The following ZCCHC4 variants were observed in gnomAD, a reference collection of about 807,000 sequenced individuals.
ZCCHC4 encodes the protein rRNA N(6)-adenosine-methyltransferase ZCCHC4.
A neutral mutation model predicts 67.7 loss-of-function variants in ZCCHC4; 54 were observed. The ratio of observed to expected loss-of-function variants is 0.80; its 90% CI spans 0.64 to 1.00. ZCCHC4 has a LOEUF of 1.00. Among genes scored for constraint, ZCCHC4 ranks in the 50% least tolerant of loss-of-function variants. The pLI is 0.00. For missense variants in ZCCHC4, 609 were observed against 617.0 expected (o/e 0.99, Z 0.14); for synonymous variants, 198 against 213.5 (o/e 0.93, Z 0.63).
intron 3 of ZCCHC4, among the ~76,000 whole-genome samples, chr4:25,329,533 CTTTTTT>C (rs56340221): frequency 7.9e-6 from 1 of 127,120 alleles, no homozygotes; most frequent in Non-Finnish European, 1.6e-5. Flanking sequence ...TTATATTTTC[CTTTTTT>C]TTTTTTTTTG....
chr4:25,315,251 G>C, intron 2 of ZCCHC4, 67 bp from the exon 3 acceptor site: 1 of 1,358,894 alleles, frequency 7.4e-7, no homozygotes, highest in Non-Finnish European at 1.0e-6. Context: ...GTCAGAATGT[G>C]ATGCCAGTTC....
Position 25,361,895 on chromosome 4 carries a change from A to G in ZCCHC4, c.1048A>G (p.Lys350Glu). 6.2e-7 allele frequency: 1 copy of G among 1,613,874 alleles called. No individual in the cohort carries two copies. ...YDNHALYKHG[K>E]TGRKQSPVRI... is the part of the protein sequence containing the mutation. ...TAATCATGCACTTTATAAACACGGAAAGACAGGTCGAAAACAGTCTCCCGT... is the reference window on the plus strand; with the variant it reads ...TAATCATGCACTTTATAAACACGGAGAGACAGGTCGAAAACAGTCTCCCGT... The change falls in exon 9 of 13, where the codon AAG becomes GAG. Residue 350 changes from lysine to glutamate, a missense_variant. Transcript: ENST00000302874.
At chr4:25,354,290 T>C (rs1445232722) in intron 8 of ZCCHC4, among the ~76,000 whole-genome samples, 1 of 152,174 alleles carries the variant, frequency 6.6e-6, no homozygotes, top group Non-Finnish European at 1.5e-5. Flanking sequence ...TGAGAAATAG[T>C]TGCAAGGTCC....
chr4:25,361,784 GT>G, intron 8 of ZCCHC4, 74 bp from the exon 9 acceptor site: 23 of 1,421,546 alleles, frequency 1.6e-5, no homozygotes, highest in Non-Finnish European at 2.2e-5. Context: ...CAGTTTGTTC[GT>G]TTATTGGTTA....
chr4:25,347,688 G>A (rs73096498), intron 6 of ZCCHC4, among the ~76,000 whole-genome samples: 2,060 of 152,280 alleles, frequency 0.014, 50 homozygotes, highest in African/African-American at 0.046. Flanking sequence ...TAGGAGAATA[G>A]AATACTCTGC....
intron 8 of ZCCHC4, among the ~76,000 whole-genome samples, chr4:25,354,203 T>G (rs1448050456): frequency 2.6e-5 from 4 of 152,176 alleles, no homozygotes; most frequent in Non-Finnish European, 5.9e-5. Context: ...GAGGCAATTT[T>G]GGAGTAACCA....
At chr4:25,316,647 C>G (rs1055319159) in intron 3 of ZCCHC4, among the ~76,000 whole-genome samples, 2 of 151,766 alleles carry the variant, frequency 1.3e-5, no homozygotes, top group Admixed American at 6.6e-5. Flanking sequence ...AGTCCTTTAT[C>G]TATTTTTAAT....
chr4:25,362,145 T>TA, intron 9 of ZCCHC4, 81 bp from the exon 10 acceptor site: 1 of 1,461,500 alleles, frequency 6.8e-7, no homozygotes, highest in Non-Finnish European at 9.4e-7. Context: ...CCAGTTTTTG[T>TA]AATGAGTGCT....
chr4:25,318,970 G>A (rs1484827808), intron 3 of ZCCHC4, among the ~76,000 whole-genome samples: 1 of 152,112 alleles, frequency 6.6e-6, no homozygotes, highest in Non-Finnish European at 1.5e-5. Context: ...CATTCATTCA[G>A]TAGGTATTTA....
At position 25,359,523 on chromosome 4, in the gene ZCCHC4, T is replaced by C. The variant is rs546634023; in HGVS notation, c.1012-2336T>C. Among the ~76,000 whole-genome samples, 2 of 152,282 alleles carry C rather than the reference T, an allele frequency of 1.3e-5. No homozygotes were observed. Among genetic ancestry groups the C allele is most frequent in the African/African-American group, 4.8e-5 (2 of 41,560 alleles). ...CCACCTGGTCTGATACCAAGGAGGC[T>C]GTTGGCGGGATCAAGGGGTCCGTGC... On this transcript the variant is annotated intron_variant, in intron 8 of 12. Transcript: ENST00000302874. The surrounding 1 kb of genome is among the most constrained non-coding windows in gnomAD (Gnocchi z 4.9).
At chr4:25,366,198 T>C (rs1720939439) in intron 12 of ZCCHC4, 2 of 976,002 alleles carry the variant, frequency 2.0e-6, no homozygotes, top group Non-Finnish European at 2.4e-6. Context: ...GAATTCTGGC[T>C]ACTATTACAA....
intron 3 of ZCCHC4, among the ~76,000 whole-genome samples, chr4:25,324,014 G>GTTTTTTTTTTTTGTTTTTTTTTTTTTTT (rs1553895904): frequency 1.2e-5 from 1 of 82,446 alleles, no homozygotes; most frequent in Non-Finnish European, 2.1e-5. Flanking sequence ...TGTTTTTTGT[G>GTTTTTTTTTTTTGTTTTTTTTTTTTTTT]TTTTTTTTTT....
chr4:25,367,975 G>T (rs1385213243), intron 12 of ZCCHC4, among the ~76,000 whole-genome samples: 4 of 152,194 alleles, frequency 2.6e-5, no homozygotes, highest in African/African-American at 9.7e-5. Context: ...GGGATAGAGA[G>T]GGGGTGACTA....
chr4:25,313,293 CAG>C (rs1409227928), intron 1 of ZCCHC4, among the ~76,000 whole-genome samples: 5 of 152,166 alleles, frequency 3.3e-5, no homozygotes, highest in Admixed American at 6.5e-5. Context: ...GGGAGAAAAA[CAG>C]TGTAATTCTT....
At chr4:25,365,647 C>G in intron 12 of ZCCHC4, 7 of 985,336 alleles carry the variant, frequency 7.1e-6, no homozygotes, top group Non-Finnish European at 7.2e-6. Context: ...AATATTTAGA[C>G]ATGCTTAATG....
Position 25,349,508 on chromosome 4 carries a change from GC to G in ZCCHC4, c.777del (p.Cys259Ter). ...TTGTTCCAGACTGCCCTTGAAGTAT[GC>G]AGAGCATTTTTACAGGAAGATAAAG... ...FFDGKTALEV[C>X]RAFLQEDKGE... On this transcript the variant is annotated frameshift_variant, in exon 7 of 13. Transcript: ENST00000302874. LOFTEE classifies it high-confidence loss of function. 1 of 1,613,860 alleles carries G rather than the reference GC, an allele frequency of 6.2e-7. No homozygotes were observed. The highest frequency in any genetic ancestry group is 8.5e-7 in the Non-Finnish European group (1 of 1,179,850).
intron 1 of ZCCHC4, among the ~76,000 whole-genome samples, chr4:25,313,726 G>T (rs895650867): frequency 6.6e-6 from 1 of 151,988 alleles, no homozygotes; most frequent in Admixed American, 6.6e-5. Flanking sequence ...AAGAAAAACA[G>T]CTGGGGACAC....
intron 3 of ZCCHC4, among the ~76,000 whole-genome samples, chr4:25,328,279 T>C (rs1718994853): frequency 6.6e-6 from 1 of 151,964 alleles, no homozygotes; most frequent in Non-Finnish European, 1.5e-5. Context: ...TCACTCTGTC[T>C]CCCAGGCTGG....
intron 8 of ZCCHC4, among the ~76,000 whole-genome samples, chr4:25,360,147 G>C (rs1186055458): frequency 6.6e-6 from 1 of 152,174 alleles, no homozygotes; most frequent in Non-Finnish European, 1.5e-5. Flanking sequence ...GTTGCCGCAG[G>C]GCTTTTTGCA....
Sources: allele counts gnomAD v4.1 joint callset (sites outside exome capture counted in the v4.1 genomes callset), GRCh38; gene constraint gnomAD v4.1.1; non-coding constraint Gnocchi (gnomAD v3.1); transcripts MANE v1.5; gene names NCBI Gene and HGNC (gene_info 2026-07-23, HGNC 2026-07-21).